SEPTIN9: variants seen among roughly 807,000 people sequenced by gnomAD.
SEPTIN9 encodes septin-9.
A neutral mutation model predicts 56.6 loss-of-function variants in SEPTIN9; 13 were observed. The observed-to-expected ratio is 0.23, with a 90% CI of 0.15 to 0.37. The LOEUF is 0.37. SEPTIN9 is among the 10% of genes least tolerant of loss of function. The probability of loss-of-function intolerance (pLI) is 1.00; values close to 1 mark genes in which losing one functional copy is unlikely to be tolerated. For synonymous variants in SEPTIN9, 332 were observed against 334.1 expected (o/e 0.99, Z 0.07); for missense variants, 650 against 823.1 (o/e 0.79, Z 2.57).
At chr17:77,368,125 G>T (rs554665354) in intron 2 of SEPTIN9, among the ~76,000 whole-genome samples, 1 of 152,316 alleles carries the variant, frequency 6.6e-6, no homozygotes, top group African/African-American at 2.4e-5. Flanking sequence ...AGAGAAATTG[G>T]AATGACGGTT....
In SEPTIN9 at chr17:77,492,497, C is replaced by T. The variant is rs2040072451; in HGVS notation, c.1381-124C>T. 2.3e-6 allele frequency: 2 copies of T among 853,518 alleles called. No individual in the cohort carries two copies. The highest frequency in any genetic ancestry group is 2.4e-5 in the East Asian group (1 of 41,156). The allele number at this position is 853,518 out of a possible 1,614,324, so 52.9% of individuals were successfully genotyped here. ...TTGGAGGTGATTGGTGTCACAGCCC[C>T]CCAGAGCCTGCCCTTGAACCCGAGC... On this transcript the variant is annotated intron_variant, in intron 8 of 11. Coordinates refer to ENST00000427177, the MANE Select transcript of SEPTIN9 (RefSeq NM_001113491.2). This position sits in a 1 kb window ranked among gnomAD's most constrained non-coding sequence, Gnocchi z 5.4.
chr17:77,292,869 T>C (rs1290822291), intron 1 of SEPTIN9, among the ~76,000 whole-genome samples: 1 of 152,180 alleles, frequency 6.6e-6, no homozygotes, highest in Non-Finnish European at 1.5e-5. Context: ...CTCCACGTGA[T>C]CTGTGATCTT....
At chr17:77,454,368 G>A (rs2144433324) in intron 3 of SEPTIN9, 4 of 985,520 alleles carry the variant, frequency 4.1e-6, no homozygotes, top group Non-Finnish European at 4.8e-6. Flanking sequence ...GGACAGGTAG[G>A]GACCTGTTCC....
chr17:77,300,496 A>T (rs956501804), intron 1 of SEPTIN9, among the ~76,000 whole-genome samples: 5 of 152,160 alleles, frequency 3.3e-5, no homozygotes. Context: ...GACAGAGGGG[A>T]GGAGAAGAGG....
In SEPTIN9 at chr17:77,327,939, A is replaced by G. The variant is rs935612231; in HGVS notation, c.76+20742A>G. Among the ~76,000 whole-genome samples the G allele has an allele frequency of 1.3e-5, 2 of 151,812 alleles. No individual in the cohort carries two copies. Among genetic ancestry groups the G allele is most frequent in the South Asian group, 2.1e-4 (1 of 4,808 alleles). The stretch of plus-strand genomic sequence containing the variant: ...GCGTCCCCGTGCCTAGGGCATCCCG[A>G]TGCTCAGAGTTTCCCCGTGCCCAGT... On this transcript the variant is annotated intron_variant, in intron 2 of 11. Transcript: ENST00000427177. The surrounding 1 kb of genome is among the most constrained non-coding windows in gnomAD (Gnocchi z 5.0).
intron 2 of SEPTIN9, among the ~76,000 whole-genome samples, chr17:77,312,937 A>G (rs1371976579): frequency 1.3e-5 from 2 of 152,214 alleles, no homozygotes; most frequent in Non-Finnish European, 2.9e-5. Context: ...TGTGGCTGCC[A>G]TATTGACTAC....
chr17:77,410,291 C>G (rs2036246634), intron 3 of SEPTIN9, among the ~76,000 whole-genome samples: 2 of 152,130 alleles, frequency 1.3e-5, no homozygotes, highest in Admixed American at 6.5e-5. Flanking sequence ...CTTAAAGAAC[C>G]CAGAGTGGAG....
Position 77,327,730 on chromosome 17 carries a change from CCCT to C in SEPTIN9, c.76+20538_76+20540del, listed in dbSNP as rs944451819. 1.3e-4 allele frequency among the ~76,000 whole-genome samples: 19 copies of C among 148,556 alleles called. No homozygotes were observed. The highest frequency in any genetic ancestry group is 1.8e-4 in the Non-Finnish European group (12 of 67,604). On this transcript the variant is annotated intron_variant, in intron 2 of 11. Transcript: ENST00000427177. This position sits in a 1 kb window ranked among gnomAD's most constrained non-coding sequence, Gnocchi z 5.0. ...CCTCATACCTCCATCCGTGGAGCCA[CCCT>C]CCTCTTTTTTTTTCTAAATGGGGAA...
At chr17:77,382,059 C>T (rs887940906) in intron 2 of SEPTIN9, among the ~76,000 whole-genome samples, 6 of 151,954 alleles carry the variant, frequency 3.9e-5, no homozygotes, top group African/African-American at 1.5e-4. Context: ...CAGAGTTTCG[C>T]TCTTGTTGCC....
intron 3 of SEPTIN9, among the ~76,000 whole-genome samples, chr17:77,422,358 G>A (rs1023329160): frequency 3.3e-5 from 5 of 152,224 alleles, no homozygotes; most frequent in South Asian, 2.1e-4. Flanking sequence ...CAGGCGGGGC[G>A]GCCAGGACAG....
chr17:77,493,275 AC>A, intron 10 of SEPTIN9, 199 bp downstream of exon 10: 1 of 583,958 alleles, frequency 1.7e-6, no homozygotes, highest in African/African-American at 1.9e-5. Context: ...AGATGCCTCC[AC>A]CCCAGACCTC....
chr17:77,405,467 C>T lies in SEPTIN9; in HGVS notation c.721+2764C>T, dbSNP rs563898585. ...CTTTCTCCATGGAATAGGATGTACACGTTGGAGCCGGGGCATGGGAGAAAA... is the reference window on the plus strand; with the variant it reads ...CTTTCTCCATGGAATAGGATGTACATGTTGGAGCCGGGGCATGGGAGAAAA... On this transcript the variant is annotated intron_variant, in intron 3 of 11. Transcript: ENST00000427177. The surrounding 1 kb of genome is among the most constrained non-coding windows in gnomAD (Gnocchi z 5.8). 4.6e-5 allele frequency among the ~76,000 whole-genome samples: 7 copies of T among 152,314 alleles called. No individual in the cohort carries two copies. The East Asian group carries it at 1.2e-3, about 25-fold the overall frequency.
intron 3 of SEPTIN9, among the ~76,000 whole-genome samples, chr17:77,414,237 C>A (rs538808697): frequency 6.6e-6 from 1 of 152,076 alleles, no homozygotes; most frequent in South Asian, 2.1e-4. Flanking sequence ...TACCACTACG[C>A]CCGGCTAATT....
Position 77,367,749 on chromosome 17 carries a change from G to C in SEPTIN9, c.77-34310G>C, listed in dbSNP as rs893560968. On this transcript the variant is annotated intron_variant, in intron 2 of 11. Transcript: ENST00000427177. The surrounding 1 kb of genome is among the most constrained non-coding windows in gnomAD (Gnocchi z 4.5). ...GAGAATTGCTCCGATCTGGGAGGCG[G>C]AGGTTGCAGTGAGCCGAGATCACGC... Among the ~76,000 whole-genome samples, 1 of 152,148 alleles carries C rather than the reference G, an allele frequency of 6.6e-6. No homozygotes were observed. The highest frequency in any genetic ancestry group is 1.5e-5 in the Non-Finnish European group (1 of 68,034).
chr17:77,484,733 A>G (rs1187262832), intron 4 of SEPTIN9, among the ~76,000 whole-genome samples: 14 of 26,838 alleles, frequency 5.2e-4, no homozygotes, highest in African/African-American at 1.4e-3. Flanking sequence ...GGTGATTGTG[A>G]TGGTGGTGGT....
At chr17:77,494,643 C>CA (rs2040175344) in intron 10 of SEPTIN9, among the ~76,000 whole-genome samples, 1 of 152,256 alleles carries the variant, frequency 6.6e-6, no homozygotes, top group Admixed American at 6.5e-5. Context: ...ACTGGCTAGA[C>CA]ATGGGTTATC....
chr17:77,295,214 T>C (rs1375453277), intron 1 of SEPTIN9, among the ~76,000 whole-genome samples: 3 of 152,186 alleles, frequency 2.0e-5, no homozygotes, highest in Non-Finnish European at 4.4e-5. Context: ...TGTGGACATG[T>C]GGTTAGGGCC....
At position 77,473,420 on chromosome 17, in the gene SEPTIN9, A is replaced by G. The variant is rs558643104; in HGVS notation, c.722-8724A>G. ...TTTTATTTTATTTCATTTTATAGGG[A>G]TGGGGTCTCGCTACGTTGCCCAGGC... is the stretch of plus-strand genomic sequence containing the variant. On this transcript the variant is annotated intron_variant, in intron 3 of 11. Transcript: ENST00000427177. 2.5e-4 allele frequency among the ~76,000 whole-genome samples: 38 copies of G among 152,172 alleles called. 1 individual carries two copies. The East Asian group carries it at 6.2e-3, about 25-fold the overall frequency.
intron 3 of SEPTIN9, among the ~76,000 whole-genome samples, chr17:77,430,238 G>A (rs200882849): frequency 1.3e-5 from 2 of 152,150 alleles, no homozygotes; most frequent in South Asian, 2.1e-4. Context: ...TGCCCGAGCC[G>A]TGACCTGTCA....
Sources: allele counts gnomAD v4.1 joint callset (sites outside exome capture counted in the v4.1 genomes callset), GRCh38; gene constraint gnomAD v4.1.1; non-coding constraint Gnocchi (gnomAD v3.1); transcripts MANE v1.5; gene names NCBI Gene and HGNC (gene_info 2026-07-23, HGNC 2026-07-21).